Variants in KIF23 observed in about 807,000 individuals in gnomAD.
KIF23 encodes kinesin family member 23, also known as kinesin-like protein KIF23.
In KIF23, 30 loss-of-function variants were observed where a neutral mutation model predicts 137.5. The ratio of observed to expected loss-of-function variants is 0.22; its 90% CI spans 0.16 to 0.30. KIF23 has a LOEUF of 0.30. KIF23 is among the 10% of genes least tolerant of loss of function. The pLI is 1.00. For synonymous variants in KIF23, 367 were observed against 391.1 expected (o/e 0.94, Z 0.73); for missense variants, 920 against 1,194.3 (o/e 0.77, Z 3.38).
chr15:69,440,240 T>TTGGGTAATCTGGTGTACTCGTTTGCTGTG (rs2057582002), intron 17 of KIF23, 68 bp from the exon 18 acceptor site: 63 of 1,532,238 alleles, frequency 4.1e-5, no homozygotes, highest in Non-Finnish European at 5.5e-5. Flanking sequence ...AATAAAGAGA[T>TTGGGTAATCTGGTGTACTCGTTTGCTGTG]TGGGTAATCT....
At chr15:69,429,488 G>A (rs1430138769) in intron 11 of KIF23, among the ~76,000 whole-genome samples, 1 of 151,874 alleles carries the variant, frequency 6.6e-6, no homozygotes, top group African/African-American at 2.4e-5. Flanking sequence ...AAAATTTTTT[G>A]TAGAGGTGGG....
intron 22 of KIF23, 113 bp downstream of exon 22, chr15:69,446,477 T>A (rs777080033): frequency 1.3e-6 from 1 of 784,408 alleles, no homozygotes; most frequent in African/African-American, 1.7e-5. Context: ...TAATCTCACA[T>A]TGCCAGTGCA....
chr15:69,423,207 C>A lies in KIF23; in HGVS notation c.612C>A (p.Phe204Leu). The A allele has an allele frequency of 6.2e-7, 1 of 1,603,202 alleles. No individual in the cohort carries two copies. ...CAGATATGATAACTGTACAAGAATT[C>A]TGCAAAGCAGAAGAGGTTGATGAAG... ...EFADMITVQE[F>L]CKAEEVDEDS... The change falls in exon 7 of 24, where the codon TTC (phenylalanine) becomes TTA (leucine). Residue 204 changes from phenylalanine to leucine, a missense_variant. This residue lies in a region of KIF23 where 714 missense variants were observed against 866.2 expected (regional missense o/e 0.82). Transcript: ENST00000679126.
intron 11 of KIF23, 24 bp downstream of exon 11, chr15:69,429,237 T>C (rs529833215): frequency 3.3e-6 from 5 of 1,522,032 alleles, no homozygotes; most frequent in Non-Finnish European, 4.5e-6. Flanking sequence ...GGTATTTATT[T>C]ATTGCTACAA....
chr15:69,428,093 C>T (rs1182813201), intron 10 of KIF23, among the ~76,000 whole-genome samples: 9 of 152,066 alleles, frequency 5.9e-5, no homozygotes, highest in Non-Finnish European at 2.9e-5. Flanking sequence ...CCCGTCTCTA[C>T]TAAAAATACA....
At chr15:69,421,555 A>T in intron 3 of KIF23, 92 bp from the exon 4 acceptor site, 3 of 773,568 alleles carry the variant, frequency 3.9e-6, no homozygotes, top group South Asian at 3.4e-5. Context: ...CTTAGATCTT[A>T]AATGTCATAA....
chr15:69,426,540 A>G, intron 10 of KIF23, 83 bp downstream of exon 10: 1 of 1,478,062 alleles, frequency 6.8e-7, no homozygotes, highest in East Asian at 2.3e-5. Flanking sequence ...CAACATGGCA[A>G]AAACCTGTCT....
At chr15:69,443,346 TTTTTTTTTTTG>T (rs1255225989) in intron 19 of KIF23, among the ~76,000 whole-genome samples, 8 of 131,742 alleles carry the variant, frequency 6.1e-5, no homozygotes, top group African/African-American at 2.1e-4. Flanking sequence ...TTTTTTTTTT[TTTTTTTTTTTG>T]AGATGAGGTC....
intron 19 of KIF23, among the ~76,000 whole-genome samples, chr15:69,442,534 T>G (rs867979436): frequency 5.3e-5 from 8 of 152,216 alleles, no homozygotes; most frequent in African/African-American, 1.7e-4. Context: ...TTCCTGATTA[T>G]TAAGGGATGG....
chr15:69,438,500 CT>C, intron 16 of KIF23, 95 bp downstream of exon 16: 1 of 1,203,770 alleles, frequency 8.3e-7, no homozygotes, highest in Non-Finnish European at 1.1e-6. Context: ...GTAAATGCTG[CT>C]TATTAAGAGT....
intron 20 of KIF23, 64 bp from the exon 21 acceptor site, chr15:69,445,945 A>G (rs2057731343): frequency 9.0e-7 from 1 of 1,107,530 alleles, no homozygotes; most frequent in South Asian, 1.3e-5. Context: ...AGTTTGAAAT[A>G]TATATGTGTG....
intron 3 of KIF23, among the ~76,000 whole-genome samples, chr15:69,419,679 C>T (rs1399380384): frequency 6.6e-6 from 1 of 152,156 alleles, no homozygotes; most frequent in Non-Finnish European, 1.5e-5. Context: ...TGTTTATTGT[C>T]TTTCCTCTAC....
chr15:69,414,719 CAGGA>C (rs1321973864), intron 1 of KIF23: 2 of 405,184 alleles, frequency 4.9e-6, no homozygotes, highest in Admixed American at 9.1e-5. Context: ...TCCAAGGGGC[CAGGA>C]AGGGTCGGCC....
intron 2 of KIF23, among the ~76,000 whole-genome samples, chr15:69,416,526 G>T (rs1044206556): frequency 6.6e-6 from 1 of 152,162 alleles, no homozygotes; most frequent in Admixed American, 6.5e-5. Flanking sequence ...AAACAAAAAG[G>T]GTTCTTTGCT....
Position 69,446,530 on chromosome 15 carries a change from A to G in KIF23, c.2838+166A>G, listed in dbSNP as rs1350266620. 3 of 639,490 alleles carry G rather than the reference A, an allele frequency of 4.7e-6. No homozygotes were observed. In the African/African-American group the frequency reaches 5.5e-5, roughly 12 times the overall value. The allele number at this position is 639,490 out of a possible 1,614,324, so 39.6% of individuals were successfully genotyped here. A position where few individuals can be genotyped will look rare whatever the true frequency, so the allele number is the denominator to read the frequency against. On this transcript the variant is annotated intron_variant, in intron 22 of 23. Transcript: ENST00000679126. Reference sequence around the variant, plus strand: ...TAGAATAACAAGAATCCACTTCATCAGGAACTCCCTTGCAAGTGTTATTCC... The same window carrying G: ...TAGAATAACAAGAATCCACTTCATCGGGAACTCCCTTGCAAGTGTTATTCC...
chr15:69,445,330 TTAAAG>T (rs1456108558), intron 20 of KIF23, among the ~76,000 whole-genome samples: 2 of 152,150 alleles, frequency 1.3e-5, no homozygotes, highest in African/African-American at 2.4e-5. Context: ...TAACCACTAC[TTAAAG>T]TAATCTAAGC....
At chr15:69,430,812 T>C (rs1428971676) in intron 11 of KIF23, among the ~76,000 whole-genome samples, 2 of 152,170 alleles carry the variant, frequency 1.3e-5, no homozygotes, top group East Asian at 3.8e-4. Flanking sequence ...GTGTGTATGA[T>C]AGTATCCACA....
At chr15:69,439,127 G>C (rs2057553359) in intron 16 of KIF23, among the ~76,000 whole-genome samples, 1 of 151,764 alleles carries the variant, frequency 6.6e-6, no homozygotes, top group African/African-American at 2.4e-5. Context: ...TCAATTGGTT[G>C]TTTACTAATC....
intron 23 of KIF23, 98 bp downstream of exon 23, chr15:69,447,039 G>A: frequency 8.7e-7 from 1 of 1,154,612 alleles, no homozygotes; most frequent in South Asian, 1.2e-5. Context: ...TTATTCTTCA[G>A]AAGAAATATA....
Sources: gnomAD v4.1 joint callset for allele counts (sites outside exome capture counted in the v4.1 genomes callset) on GRCh38, gnomAD v4.1.1 for gene constraint, gnomAD v4.1.1 regional missense constraint, MANE v1.5 for transcripts, NCBI Gene and HGNC (gene_info 2026-07-23, HGNC 2026-07-21) for gene names.